The following PRDM8 variants were observed in gnomAD, a reference collection of about 807,000 sequenced individuals.
PRDM8 encodes the protein PR domain zinc finger protein 8.
A neutral mutation model predicts 46.5 loss-of-function variants in PRDM8; 13 were observed. The observed-to-expected ratio is 0.28, with a 90% CI of 0.18 to 0.44. The LOEUF (loss-of-function observed/expected upper bound fraction) is 0.44, where lower values mean the gene tolerates loss of function less well. PRDM8 is among the 20% of genes least tolerant of loss of function. PRDM8 has a pLI of 1.00. For synonymous variants in PRDM8, 473 were observed against 438.4 expected (o/e 1.08, Z -0.98); for missense variants, 998 against 955.0 (o/e 1.04, Z -0.59).
rs553037634 is a variant in PRDM8 at position 80,203,738 on chromosome 4, A to AC, written c.*215dup. The AC allele has an allele frequency of 6.8e-3, 2,540 of 371,162 alleles. 7 individuals carry two copies. Among genetic ancestry groups the AC allele is most frequent in the African/African-American group, 0.013 (515 of 38,190 alleles). 23.0% of individuals were successfully genotyped at this position (371,162 alleles called of 1,614,324 possible). A position where few individuals can be genotyped will look rare whatever the true frequency, so the allele number is the denominator to read the frequency against. ...ATTCAAATATTTACCCGGGACACACACCCCCCCCCACACACACACACAGAC... is the reference window on the plus strand; with the variant it reads ...ATTCAAATATTTACCCGGGACACACACCCCCCCCCCACACACACACACAGAC... On this transcript the variant is annotated 3_prime_UTR_variant, in exon 4 of 4. Transcript: ENST00000415738.
intron 2 of PRDM8, among the ~76,000 whole-genome samples, chr4:80,191,758 C>T (rs956684471): frequency 1.3e-5 from 2 of 152,136 alleles, no homozygotes; most frequent in African/African-American, 4.8e-5. Context: ...TGGGAGACAT[C>T]CCCCATTGAT....
At chr4:80,193,369 A>C (rs190500177), upstream of PRDM8, among the ~76,000 whole-genome samples, 6 of 152,214 alleles carry the variant, frequency 3.9e-5, no homozygotes, top group East Asian at 1.2e-3. Flanking sequence ...TCCTTTACCC[A>C]ACTCAGCAAG....
rs1157815573 is a variant in PRDM8 at position 80,202,888 on chromosome 4, G to A, written c.1426G>A (p.Gly476Ser). The change falls in exon 4 of 4, where the codon GGC becomes AGC. Residue 476 changes from glycine (G) to serine (S), a missense_variant. Coordinates refer to ENST00000415738, the MANE Select transcript of PRDM8 (RefSeq NM_001099403.2). ...LGSAGSTSGGGGTGAGAAGGA... is the reference protein window; with the variant it reads ...LGSAGSTSGGSGTGAGAAGGA... ...CAGCGCGGGCAGCACCAGCGGTGGGGGCGGAACGGGCGCCGGGGCCGCAGG... is the reference window on the plus strand; with the variant it reads ...CAGCGCGGGCAGCACCAGCGGTGGGAGCGGAACGGGCGCCGGGGCCGCAGG... The A allele has an allele frequency of 3.0e-6, 4 of 1,316,376 alleles. No individual in the cohort carries two copies. Among genetic ancestry groups the A allele is most frequent in the Non-Finnish European group, 3.8e-6 (4 of 1,043,266 alleles). 81.5% of individuals were successfully genotyped at this position (1,316,376 alleles called of 1,614,324 possible).
intron 2 of PRDM8, 120 bp downstream of exon 2, chr4:80,200,419 A>G: frequency 2.4e-6 from 2 of 849,238 alleles, no homozygotes; most frequent in South Asian, 3.4e-5. Context: ...CAATAATGCA[A>G]GCAATCCCAT....
Position 80,200,212 on chromosome 4 carries a change from T to C in PRDM8, c.132T>C (p.Cys44=). The C allele has an allele frequency of 6.2e-7, 1 of 1,614,162 alleles. No homozygotes were observed. The part of the protein sequence containing the change: ...DIPENAIFGP[C]VLSHTSLYDS... ...CTGAGAATGCTATATTTGGTCCCTG[T>C]GTCCTGAGCCATACTTCCCTATATG... is the stretch of plus-strand genomic sequence containing the variant. Residue 44 remains cysteine, a synonymous_variant, in exon 2 of 4, where the codon TGT becomes TGC. Coordinates refer to ENST00000415738, the MANE Select transcript of PRDM8 (RefSeq NM_001099403.2).
rs1466707076 is a variant in PRDM8 at position 80,202,526 on chromosome 4, A to G, written c.1064A>G (p.Tyr355Cys). The G allele has an allele frequency of 3.9e-6, 6 of 1,536,716 alleles. No homozygotes were observed. The highest frequency in any genetic ancestry group is 1.4e-5 in the African/African-American group (1 of 72,838). The change falls in exon 4 of 4, where the codon TAC (tyrosine) becomes TGC (cysteine). Residue 355 changes from tyrosine (Y) to cysteine (C), a missense_variant. Physicochemically the swap from Tyr to Cys is radical, Grantham distance 194 (BLOSUM62 -2). Coordinates refer to ENST00000415738, the MANE Select transcript of PRDM8 (RefSeq NM_001099403.2). The stretch of plus-strand genomic sequence containing the variant: ...GATCTGGTGTGCACACCGCAGCAGT[A>G]CCGAGCCTCGGGCAGCTACTTCGGC... ...KEDLVCTPQQ[Y>C]RASGSYFGLE... is the part of the protein sequence containing the mutation.
chr4:80,192,641 G>A (rs1157451226), upstream of PRDM8, among the ~76,000 whole-genome samples: 1 of 152,156 alleles, frequency 6.6e-6, no homozygotes, highest in African/African-American at 2.4e-5. Flanking sequence ...AAGGACTTTG[G>A]AACCTACAGA....
intron 1 of PRDM8, among the ~76,000 whole-genome samples, chr4:80,190,446 C>T (rs1477236464): frequency 6.6e-6 from 1 of 152,230 alleles, no homozygotes; most frequent in Non-Finnish European, 1.5e-5. Context: ...ACAAGGGCGA[C>T]GCCGGGCAGA....
At chr4:80,190,791 A>G (rs989507516) in intron 1 of PRDM8, among the ~76,000 whole-genome samples, 3 of 152,162 alleles carry the variant, frequency 2.0e-5, no homozygotes, top group Non-Finnish European at 4.4e-5. Flanking sequence ...GGCCTTGAGG[A>G]GGAGCAGCTA....
Position 80,202,691 on chromosome 4 carries a change from C to T in PRDM8, c.1229C>T (p.Ala410Val). ...EEGTADGAGVASEDQDAGGGG... is the reference protein window; with the variant it reads ...EEGTADGAGVVSEDQDAGGGG... ...GGGACAGCCGACGGCGCGGGAGTCG[C>T]CTCCGAGGACCAGGACGCTGGCGGC... The change falls in exon 4 of 4, where the codon GCC becomes GTC. Residue 410 changes from alanine (A) to valine (V), a missense_variant. Transcript: ENST00000415738. 2.2e-6 allele frequency: 3 copies of T among 1,379,446 alleles called. No homozygotes were observed. In the South Asian group the frequency reaches 5.0e-5, roughly 23 times the overall value. The allele number at this position is 1,379,446 out of a possible 1,614,324, so 85.5% of individuals were successfully genotyped here.
At position 80,201,324 on chromosome 4, in the gene PRDM8, G is replaced by A; in HGVS notation, c.254G>A (p.Gly85Asp). Residue 85 changes from glycine to aspartate, a missense_variant, in exon 3 of 4, where the codon GGT becomes GAT. By Grantham distance (94) the Gly-to-Asp change is moderately conservative. Transcript: ENST00000415738. ...DTSAANGSSEGLMWLRLVQSA... is the reference protein window; with the variant it reads ...DTSAANGSSEDLMWLRLVQSA... ...TCAGCAGCAAATGGTTCCTCAGAAGGTCTCATGTGGCTGCGGTTGGTCCAA... is the reference window on the plus strand; with the variant it reads ...TCAGCAGCAAATGGTTCCTCAGAAGATCTCATGTGGCTGCGGTTGGTCCAA... 6.2e-7 allele frequency: 1 copy of A among 1,614,230 alleles called. No individual in the cohort carries two copies. The highest frequency in any genetic ancestry group is 2.2e-5 in the East Asian group (1 of 44,884).
Position 80,202,126 on chromosome 4 carries a change from G to C in PRDM8, c.664G>C (p.Gly222Arg), listed in dbSNP as rs781324175. ...GCAGCAGCAGCAGGAGGCACCTTTA[G>C]GCCCGGGTCCCAAGTTTTGCAAAGC... ...QQQQQQEAPL[G>R]PGPKFCKAGP... Residue 222 changes from glycine to arginine, a missense_variant, in exon 4 of 4, where the codon GGC (glycine) becomes CGC (arginine). Gly to Arg is a moderately radical substitution (Grantham distance 125). Coordinates refer to ENST00000415738, the MANE Select transcript of PRDM8 (RefSeq NM_001099403.2). 5.0e-6 allele frequency: 8 copies of C among 1,610,774 alleles called. No individual in the cohort carries two copies. The highest frequency in any genetic ancestry group is 6.8e-6 in the Non-Finnish European group (8 of 1,179,068).
In PRDM8 at chr4:80,203,690, C is replaced by G; in HGVS notation, c.*158C>G. The G allele has an allele frequency of 7.7e-7, 1 of 1,294,984 alleles. No individual in the cohort carries two copies. The highest frequency in any genetic ancestry group is 1.6e-5 in the South Asian group (1 of 63,732). The allele number at this position is 1,294,984 out of a possible 1,614,324, so 80.2% of individuals were successfully genotyped here. ...CCCGCCCCCCCAACGCGCACACACA[C>G]GTCCTCTCCTCCCAGGAACCTCATT... On this transcript the variant is annotated 3_prime_UTR_variant, in exon 4 of 4. Coordinates refer to ENST00000415738, the MANE Select transcript of PRDM8 (RefSeq NM_001099403.2).
intron 1 of PRDM8, among the ~76,000 whole-genome samples, chr4:80,198,255 C>A (rs1024382786): frequency 1.3e-5 from 2 of 152,182 alleles, no homozygotes. Context: ...GACCTTTTTG[C>A]CGTATTGTTA....
upstream of PRDM8, among the ~76,000 whole-genome samples, chr4:80,193,684 ACCCTCAC>A (rs1170835321): frequency 6.6e-6 from 1 of 151,998 alleles, no homozygotes; most frequent in Non-Finnish European, 1.5e-5. Context: ...TCCTCCCTCA[ACCCTCAC>A]AGCCCCTTCC....
chr4:80,188,458 C>A (rs1474957879), intron 1 of PRDM8, among the ~76,000 whole-genome samples: 1 of 152,160 alleles, frequency 6.6e-6, no homozygotes, highest in African/African-American at 2.4e-5. Flanking sequence ...GGATCTGAAC[C>A]CAGGCTTCAT....
At chr4:80,200,058 G>A in intron 1 of PRDM8, 21 bp from the exon 2 acceptor site, 1 of 1,585,940 alleles carries the variant, frequency 6.3e-7, no homozygotes, top group Non-Finnish European at 8.7e-7. Context: ...TCACTTTCTT[G>A]TGCTGTGTGT....
intron 1 of PRDM8, among the ~76,000 whole-genome samples, chr4:80,187,867 A>T (rs945677820): frequency 6.6e-6 from 1 of 152,228 alleles, no homozygotes; most frequent in African/African-American, 2.4e-5. Context: ...AAGAGATGGC[A>T]GTCAATCCCA....
chr4:80,189,481 C>T (rs577390687), intron 1 of PRDM8, among the ~76,000 whole-genome samples: 1 of 152,304 alleles, frequency 6.6e-6, no homozygotes, highest in East Asian at 1.9e-4. Flanking sequence ...GACTGCCTTT[C>T]CTTCCATTTC....
Sources: gnomAD v4.1 joint callset for allele counts (sites outside exome capture counted in the v4.1 genomes callset) on GRCh38, gnomAD v4.1.1 for gene constraint, MANE v1.5 for transcripts, NCBI Gene and HGNC (gene_info 2026-07-23, HGNC 2026-07-21) for gene names.